The following ERBB4 variants were observed in gnomAD, a reference collection of about 807,000 sequenced individuals.
ERBB4 encodes erb-b2 receptor tyrosine kinase 4.
In ERBB4, 42 loss-of-function variants were observed where a neutral mutation model predicts 158.0. The observed-to-expected ratio is 0.27, with a 90% CI of 0.21 to 0.34. The LOEUF (loss-of-function observed/expected upper bound fraction) is 0.34, where lower values mean the gene tolerates loss of function less well. Ranked by LOEUF, ERBB4 falls within the 10% of genes least tolerant of loss-of-function variation. The pLI, the probability that ERBB4 is intolerant of heterozygous loss-of-function variation, is 1.00. For missense variants in ERBB4, 1,333 were observed against 1,624.1 expected, an observed-to-expected ratio of 0.82 and a Z score of 3.08; for synonymous variants, 583 against 558.7, an observed-to-expected ratio of 1.04 and a Z score of -0.61.
intron 1 of ERBB4, among the ~76,000 whole-genome samples, chr2:212,190,343 T>C (rs1035206963): frequency 5.3e-5 from 8 of 152,178 alleles, no homozygotes; most frequent in Admixed American, 2.0e-4. Flanking sequence ...CAGACCATCC[T>C]GGCTAACAGG....
At chr2:211,872,625 A>G (rs1292796698) in intron 3 of ERBB4, among the ~76,000 whole-genome samples, 1 of 152,202 alleles carries the variant, frequency 6.6e-6, no homozygotes, top group Non-Finnish European at 1.5e-5. Flanking sequence ...CAGTATATTT[A>G]AAGGTCAATA....
At chr2:212,126,707 T>C (rs2079941687) in intron 1 of ERBB4, among the ~76,000 whole-genome samples, 1 of 152,072 alleles carries the variant, frequency 6.6e-6, no homozygotes. Flanking sequence ...ACTGCAAACA[T>C]ACTAGGAACA....
At chr2:211,917,574 C>A (rs530644959) in intron 3 of ERBB4, among the ~76,000 whole-genome samples, 55 of 152,272 alleles carry the variant, frequency 3.6e-4, no homozygotes, top group African/African-American at 1.3e-3. Flanking sequence ...GGTGCCAGAA[C>A]CTGCCTTTTT....
At chr2:212,010,028 G>A (rs1056188100) in intron 2 of ERBB4, among the ~76,000 whole-genome samples, 3 of 152,098 alleles carry the variant, frequency 2.0e-5, no homozygotes, top group Non-Finnish European at 4.4e-5. Context: ...CTTGTTAACA[G>A]GGCAAATTTT....
intron 1 of ERBB4, among the ~76,000 whole-genome samples, chr2:212,217,496 G>A (rs1996762): frequency 5.3e-5 from 8 of 151,254 alleles, no homozygotes; most frequent in Admixed American, 2.7e-4. Flanking sequence ...TAATTTGAAG[G>A]AGACATGGAG....
At chr2:212,366,294 A>T (rs1456629615) in intron 1 of ERBB4, among the ~76,000 whole-genome samples, 1 of 151,992 alleles carries the variant, frequency 6.6e-6, no homozygotes, top group Non-Finnish European at 1.5e-5. Flanking sequence ...TTTGTGCAAG[A>T]TAGGATTCCA....
chr2:211,772,908 T>TATAC (rs1553630052), intron 4 of ERBB4, among the ~76,000 whole-genome samples: 6 of 61,316 alleles, frequency 9.8e-5, no homozygotes, highest in East Asian at 5.4e-4. Flanking sequence ...CATATATATA[T>TATAC]ACACACACAC....
intron 2 of ERBB4, among the ~76,000 whole-genome samples, chr2:211,973,522 A>G (rs1403537094): frequency 3.9e-5 from 6 of 152,160 alleles, no homozygotes. Context: ...AACTAAAACC[A>G]CAATGATATA....
chr2:211,703,607 CCTT>C (rs2073332162), intron 11 of ERBB4, among the ~76,000 whole-genome samples: 2 of 152,080 alleles, frequency 1.3e-5, no homozygotes, highest in Non-Finnish European at 2.9e-5. Context: ...TTATCAATGT[CCTT>C]CTAAACCTGA....
At chr2:212,056,113 G>T (rs1010125658) in intron 2 of ERBB4, among the ~76,000 whole-genome samples, 5 of 152,308 alleles carry the variant, frequency 3.3e-5, no homozygotes, top group African/African-American at 9.6e-5. Flanking sequence ...AACATGGCAC[G>T]AGAACTACGT....
chr2:212,009,833 G>A (rs538104066), intron 2 of ERBB4, among the ~76,000 whole-genome samples: 10 of 152,026 alleles, frequency 6.6e-5, no homozygotes, highest in South Asian at 2.1e-4. Context: ...TAAATGTCCC[G>A]GACATTTGTA....
At chr2:211,679,307 T>A in intron 12 of ERBB4, 123 bp from the exon 13 acceptor site, 1 of 1,044,088 alleles carries the variant, frequency 9.6e-7, no homozygotes, top group South Asian at 1.4e-5. Flanking sequence ...ATGACTTTGG[T>A]GGCCTATCCC....
chr2:211,377,160 C>T lies in ERBB4; in HGVS notation c.*6455G>A, dbSNP rs1411650931. On this transcript the variant is annotated 3_prime_UTR_variant, in exon 28 of 28. Coordinates refer to ENST00000342788, the MANE Select transcript of ERBB4 (RefSeq NM_005235.3). ...GATCCAGAAATATACAGGAAAATGA[C>T]TCTCACATTAAGGGAAAAGGACAAC... is the stretch of plus-strand genomic sequence containing the variant. 8.6e-6 allele frequency: 2 copies of T among 232,430 alleles called. No homozygotes were observed. Among genetic ancestry groups the T allele is most frequent in the Non-Finnish European group, 1.7e-5 (2 of 117,510 alleles). The allele number at this position is 232,430 out of a possible 1,614,324, so 14.4% of individuals were successfully genotyped here. A position where few individuals can be genotyped will look rare whatever the true frequency, so the allele number is the denominator to read the frequency against.
intron 1 of ERBB4, among the ~76,000 whole-genome samples, chr2:212,157,069 C>T (rs905388999): frequency 2.0e-5 from 3 of 152,040 alleles, no homozygotes; most frequent in Non-Finnish European, 4.4e-5. Context: ...CTATGGAATT[C>T]CACAGCTCTT....
At chr2:211,879,847 A>G (rs879482930) in intron 3 of ERBB4, among the ~76,000 whole-genome samples, 1 of 151,996 alleles carries the variant, frequency 6.6e-6, no homozygotes, top group African/African-American at 2.4e-5. Flanking sequence ...ATATGTGAAG[A>G]TAATCTTGGA....
intron 1 of ERBB4, among the ~76,000 whole-genome samples, chr2:212,483,471 A>G (rs897527239): frequency 6.6e-6 from 1 of 152,172 alleles, no homozygotes; most frequent in African/African-American, 2.4e-5. Flanking sequence ...CATAAGTGCT[A>G]AGGACGCTTT....
intron 1 of ERBB4, among the ~76,000 whole-genome samples, chr2:212,372,160 A>C (rs1368815028): frequency 6.6e-6 from 1 of 152,058 alleles, no homozygotes. Context: ...TCCTTACTTA[A>C]TCGATAATAC....
intron 1 of ERBB4, among the ~76,000 whole-genome samples, chr2:212,240,637 CAAAAAAAAAAAAA>C (rs71054188): frequency 4.1e-3 from 146 of 35,806 alleles, no homozygotes; most frequent in African/African-American, 0.014. Flanking sequence ...CACTCTGGCT[CAAAAAAAAAAAAA>C]AAAAAAAAAA....
chr2:212,019,647 C>T (rs944860907), intron 2 of ERBB4, among the ~76,000 whole-genome samples: 6 of 151,128 alleles, frequency 4.0e-5, no homozygotes, highest in Admixed American at 6.6e-5. Context: ...CCTGTAATCC[C>T]AGCTACTTAG....
Sources: allele counts gnomAD v4.1 joint callset (sites outside exome capture counted in the v4.1 genomes callset), GRCh38; gene constraint gnomAD v4.1.1; transcripts MANE v1.5; gene names NCBI Gene and HGNC (gene_info 2026-07-23, HGNC 2026-07-21).